The following DDHD1 variants were observed in gnomAD, a reference collection of about 807,000 sequenced individuals.
DDHD1 encodes the protein phospholipase DDHD1.
DDHD1 carries 49 observed loss-of-function variants against 96.4 expected under a neutral mutation model. The observed-to-expected ratio is 0.51, with a 90% CI of 0.40 to 0.64. DDHD1 has a LOEUF of 0.64. Among genes scored for constraint, DDHD1 ranks in the 30% least tolerant of loss-of-function variants. The probability of loss-of-function intolerance (pLI) is 0.00; values close to 1 mark genes in which losing one functional copy is unlikely to be tolerated. For missense variants in DDHD1, 1,106 were observed against 1,161.2 expected, an observed-to-expected ratio of 0.95 and a Z score of 0.69; for synonymous variants, 442 against 446.5, an observed-to-expected ratio of 0.99 and a Z score of 0.13.
intron 12 of DDHD1, 71 bp downstream of exon 12, chr14:53,051,773 C>T: frequency 7.8e-7 from 1 of 1,280,446 alleles, no homozygotes; most frequent in South Asian, 1.4e-5. Context: ...TCCAATTTTT[C>T]AATAAGCAGA....
chr14:53,053,450 T>C (rs911552614), intron 11 of DDHD1: 2 of 152,146 alleles, frequency 1.3e-5, no homozygotes, highest in Non-Finnish European at 2.9e-5. Flanking sequence ...CAAGTAGGAA[T>C]GTTCAACCCT....
intron 1 of DDHD1, among the ~76,000 whole-genome samples, chr14:53,128,648 G>C (rs913188313): frequency 2.6e-5 from 4 of 152,190 alleles, no homozygotes; most frequent in Middle Eastern, 3.2e-3. Context: ...AGCTGGTTCA[G>C]TTAGGCCATA....
intron 1 of DDHD1, among the ~76,000 whole-genome samples, chr14:53,142,577 G>A (rs892411739): frequency 6.6e-5 from 10 of 152,152 alleles, no homozygotes; most frequent in African/African-American, 1.9e-4. Flanking sequence ...TGGGAGAGTC[G>A]TCTAAATGAG....
intron 3 of DDHD1, 31 bp downstream of exon 3, chr14:53,093,285 T>G: frequency 6.3e-7 from 1 of 1,576,188 alleles, no homozygotes; most frequent in Non-Finnish European, 8.6e-7. Context: ...TCCCAAAATT[T>G]TGATAAGCTC....
rs946623062 is a variant in DDHD1 at position 53,060,809 on chromosome 14, G to A, written c.1842+317C>T. Among the ~76,000 whole-genome samples, 3 of 152,026 alleles carry A rather than the reference G, an allele frequency of 2.0e-5. No homozygotes were observed. In the South Asian group the frequency reaches 6.2e-4, roughly 32 times the overall value. On this transcript the variant is annotated intron_variant, in intron 8 of 12. Transcript: ENST00000673822. ...CACTTGGCAATATCTAATTTACTGA[G>A]ACCAAGTACAAATATCACTCCTTTG...
chr14:53,058,436 A>G (rs1883255875), intron 9 of DDHD1, 41 bp downstream of exon 9: 1 of 1,573,286 alleles, frequency 6.4e-7, no homozygotes, highest in Non-Finnish European at 8.6e-7. Context: ...TTTAGGAACA[A>G]TTTGACATTG....
rs1385503384 is a variant in DDHD1 at position 53,063,219 on chromosome 14, G to A, written c.1504-14C>T. Reference sequence around the variant, plus strand: ...GCCTTTAACTAGCTGTTTGAAATAAGAAAACATTATCATATTAGACTTGTC... The same window carrying A: ...GCCTTTAACTAGCTGTTTGAAATAAAAAAACATTATCATATTAGACTTGTC... On this transcript the variant is annotated splice_polypyrimidine_tract_variant and intron_variant, in intron 6 of 12. Transcript: ENST00000673822. 3 of 1,609,324 alleles carry A rather than the reference G, an allele frequency of 1.9e-6. No individual in the cohort carries two copies. The East Asian group carries it at 6.7e-5, about 36-fold the overall frequency.
At chr14:53,112,137 C>A (rs1319794106) in intron 1 of DDHD1, among the ~76,000 whole-genome samples, 10 of 152,088 alleles carry the variant, frequency 6.6e-5, no homozygotes, top group Admixed American at 6.5e-4. Context: ...TTACACAGGG[C>A]CTGGCGTGGT....
In DDHD1 at chr14:53,091,913, T is replaced by C. The variant is rs1312004804; in HGVS notation, c.1161A>G (p.Arg387=). The C allele has an allele frequency of 2.5e-6, 4 of 1,609,488 alleles. No homozygotes were observed. The highest frequency in any genetic ancestry group is 1.1e-5 in the South Asian group (1 of 90,266). The change falls in exon 4 of 13, where the codon AGA becomes AGG. Residue 387 remains arginine, a synonymous_variant. Transcript: ENST00000673822. ...GFSKASSSGT[R]LHRGYVEEAT... ...CTTCTTCTACATAACCTCTATGAAGTCTGGTACCACTACTTGATGCTGTAG... is the reference window on the plus strand; with the variant it reads ...CTTCTTCTACATAACCTCTATGAAGCCTGGTACCACTACTTGATGCTGTAG...
chr14:53,146,075 G>T (rs1476550681), intron 1 of DDHD1, among the ~76,000 whole-genome samples: 1 of 151,934 alleles, frequency 6.6e-6, no homozygotes. Context: ...GCATTGTGGC[G>T]CATGCCTGCA....
intron 1 of DDHD1, among the ~76,000 whole-genome samples, chr14:53,110,419 G>A (rs1340900892): frequency 2.0e-5 from 3 of 152,198 alleles, no homozygotes; most frequent in African/African-American, 7.2e-5. Flanking sequence ...CCCAGAATGT[G>A]TTGTGCTGGT....
chr14:53,090,036 A>C (rs1886302545), intron 4 of DDHD1, among the ~76,000 whole-genome samples: 1 of 152,244 alleles, frequency 6.6e-6, no homozygotes, highest in Non-Finnish European at 1.5e-5. Flanking sequence ...AGAAAAAGTC[A>C]AAGAACCTCA....
chr14:53,136,558 AG>A (rs1890257838), intron 1 of DDHD1, among the ~76,000 whole-genome samples: 1 of 152,184 alleles, frequency 6.6e-6, no homozygotes, highest in African/African-American at 2.4e-5. Flanking sequence ...ATGCACATAA[AG>A]GAGAAAACTA....
In DDHD1 at chr14:53,041,777, C is replaced by G. The variant is rs1366243987; in HGVS notation, c.*4991G>C. ...CCTGATAGGGTACTCTTATGAGAGT[C>G]TGGAAGAAAGAAGGGACCAACTGCT... On this transcript the variant is annotated 3_prime_UTR_variant, in exon 13 of 13. Transcript: ENST00000673822. 6.6e-6 allele frequency: 1 copy of G among 151,990 alleles called. No homozygotes were observed. The highest frequency in any genetic ancestry group is 2.4e-5 in the African/African-American group (1 of 41,362). The allele number at this position is 151,990 out of a possible 1,614,324, so 9.4% of individuals were successfully genotyped here. A position where few individuals can be genotyped will look rare whatever the true frequency, so the allele number is the denominator to read the frequency against.
At chr14:53,052,035 T>A in intron 11 of DDHD1, 108 bp from the exon 12 acceptor site, 1 of 760,032 alleles carries the variant, frequency 1.3e-6, no homozygotes. Context: ...ATAAACTGAC[T>A]AAATCTAGCA....
At chr14:53,052,923 C>A (rs1005145080) in intron 11 of DDHD1, 15 of 151,340 alleles carry the variant, frequency 9.9e-5, no homozygotes, top group African/African-American at 3.2e-4. Flanking sequence ...AACTGCTGTT[C>A]TGGAAGAAAA....
chr14:53,092,685 A>T (rs561179415), intron 3 of DDHD1: 1 of 152,298 alleles, frequency 6.6e-6, no homozygotes, highest in South Asian at 2.1e-4. Flanking sequence ...TCTACAAAAA[A>T]ATAAAAAAAA....
chr14:53,103,085 CT>C, intron 2 of DDHD1: 1 of 1,554,132 alleles, frequency 6.4e-7, no homozygotes, highest in Non-Finnish European at 8.7e-7. Context: ...GTATTTTTAA[CT>C]TTACCACATA....
intron 4 of DDHD1, among the ~76,000 whole-genome samples, chr14:53,085,052 C>T (rs769667989): frequency 7.9e-5 from 12 of 152,212 alleles, no homozygotes; most frequent in East Asian, 1.9e-4. Context: ...AACTGCTAGG[C>T]GGCAGCCTGG....
Sources: allele counts gnomAD v4.1 joint callset (sites outside exome capture counted in the v4.1 genomes callset), GRCh38; gene constraint gnomAD v4.1.1; transcripts MANE v1.5; gene names NCBI Gene and HGNC (gene_info 2026-07-23, HGNC 2026-07-21).